The following ST3GAL1 variants were observed in gnomAD, a reference collection of about 807,000 sequenced individuals.
ST3GAL1 encodes CMP-N-acetylneuraminate-beta-galactosamide-alpha-2,3-sialyltransferase 1.
ST3GAL1 carries 16 observed loss-of-function variants against 34.1 expected under a neutral mutation model. The ratio of observed to expected loss-of-function variants is 0.47; its 90% CI spans 0.32 to 0.71. The LOEUF (loss-of-function observed/expected upper bound fraction) is 0.71, where lower values mean the gene tolerates loss of function less well. Among genes scored for constraint, ST3GAL1 ranks in the 30% least tolerant of loss-of-function variants. The probability of loss-of-function intolerance (pLI) is 0.04; values close to 1 mark genes in which losing one functional copy is unlikely to be tolerated. For missense variants in ST3GAL1, 353 were observed against 447.4 expected, an observed-to-expected ratio of 0.79 and a Z score of 1.90; for synonymous variants, 191 against 184.7, an observed-to-expected ratio of 1.03 and a Z score of -0.28.
intron 1 of ST3GAL1, among the ~76,000 whole-genome samples, chr8:133,569,125 G>A (rs1349192807): frequency 6.6e-6 from 1 of 152,184 alleles, no homozygotes; most frequent in Non-Finnish European, 1.5e-5. Context: ...CCTGGGTGGG[G>A]TGCTGTGGCC....
chr8:133,493,848 GA>G (rs57843566), intron 3 of ST3GAL1, among the ~76,000 whole-genome samples: 35 of 132,256 alleles, frequency 2.6e-4, no homozygotes, highest in South Asian at 7.5e-4. Flanking sequence ...TCTGTATCAG[GA>G]AAAAAAAAAA....
chr8:133,533,310 T>A (rs1435670774), intron 2 of ST3GAL1, among the ~76,000 whole-genome samples: 1 of 152,166 alleles, frequency 6.6e-6, no homozygotes, highest in Non-Finnish European at 1.5e-5. Context: ...CTGTGCTATT[T>A]TTCCCCGTGA....
intron 3 of ST3GAL1, among the ~76,000 whole-genome samples, chr8:133,491,833 G>C (rs7842258): frequency 0.16 from 23,678 of 152,096 alleles, 2,400 homozygotes; most frequent in East Asian, 0.53. Flanking sequence ...TGTCCAGTTG[G>C]ATCACAGGAT....
rs765561432 is a variant in ST3GAL1 at position 133,461,854 on chromosome 8, G to A, written c.849+21C>T. On this transcript the variant is annotated intron_variant, in intron 9 of 9. Transcript: ENST00000522652. The surrounding 1 kb of genome is among the most constrained non-coding windows in gnomAD (Gnocchi z 4.7). The stretch of plus-strand genomic sequence containing the variant: ...CGGTGAGCTTCGAGGCAGCCCTGTG[G>A]GCAGGGGGAGGGTGGCATACCTCAT... The A allele has an allele frequency of 5.1e-5, 82 of 1,613,714 alleles. No individual in the cohort carries two copies. Among genetic ancestry groups the A allele is most frequent in the Non-Finnish European group, 6.4e-5 (76 of 1,179,846 alleles).
In ST3GAL1 at chr8:133,464,790, C is replaced by G. The variant is rs1198730201; in HGVS notation, c.671G>C (p.Gly224Ala). The change falls in exon 7 of 10, where the codon GGC (glycine) becomes GCC (alanine). Residue 224 changes from glycine to alanine, a missense_variant. Transcript: ENST00000522652. ...LEWVVSAITT[G>A]TISHTYIPVP... Reference sequence around the variant, plus strand: ...AGGAGGGACTCACTGGGAAATGGTGCCCGTGGTGATGGCGCTCACCACCCA... The same window carrying G: ...AGGAGGGACTCACTGGGAAATGGTGGCCGTGGTGATGGCGCTCACCACCCA... 1.2e-6 allele frequency: 2 copies of G among 1,612,690 alleles called. No individual in the cohort carries two copies. The highest frequency in any genetic ancestry group is 1.7e-6 in the Non-Finnish European group (2 of 1,179,240).
chr8:133,562,846 C>CCTTTT (rs1819282594), intron 1 of ST3GAL1, among the ~76,000 whole-genome samples: 1 of 56,304 alleles, frequency 1.8e-5, no homozygotes, highest in Non-Finnish European at 4.4e-5. Flanking sequence ...TCCTTCCTTT[C>CCTTTT]TTTCTTTTTT....
Position 133,480,721 on chromosome 8 carries a change from TCTC to T in ST3GAL1, c.-373-4124_-373-4122del, listed in dbSNP as rs547544968. Among the ~76,000 whole-genome samples, 675 of 152,254 alleles carry T rather than the reference TCTC, an allele frequency of 4.4e-3. 5 individuals carry two copies. The highest frequency in any genetic ancestry group is 0.015 in the African/African-American group (641 of 41,542). On this transcript the variant is annotated intron_variant, in intron 3 of 9. Coordinates refer to ENST00000522652, the MANE Select transcript of ST3GAL1 (RefSeq NM_173344.3). ...TGGTAGCAAAGGCAGACTCCTGCCT[TCTC>T]CTGTGGCTTTCTGTGTAGCCGTGGC...
intron 2 of ST3GAL1, among the ~76,000 whole-genome samples, chr8:133,540,892 T>TAG (rs777832793): frequency 0.011 from 706 of 63,956 alleles, 5 homozygotes; most frequent in South Asian, 0.015. Flanking sequence ...GACATATATA[T>TAG]AGACATATAT....
Position 133,457,979 on chromosome 8 carries a change from A to C in ST3GAL1, c.*1785T>G, listed in dbSNP as rs1452337247. ...TGCTTAAACATTAGTAACTGGAGCC[A>C]ACAATCACCGTCCCCCACATTCCTG... On this transcript the variant is annotated 3_prime_UTR_variant, in exon 10 of 10. Coordinates refer to ENST00000522652, the MANE Select transcript of ST3GAL1 (RefSeq NM_173344.3). The C allele has an allele frequency of 6.6e-6, 1 of 152,290 alleles. No individual in the cohort carries two copies. The highest frequency in any genetic ancestry group is 1.5e-5 in the Non-Finnish European group (1 of 68,060). 9.4% of individuals were successfully genotyped at this position (152,290 alleles called of 1,614,324 possible).
chr8:133,473,266 A>T (rs540021604), intron 5 of ST3GAL1, among the ~76,000 whole-genome samples: 55 of 152,264 alleles, frequency 3.6e-4, no homozygotes, highest in African/African-American at 1.3e-3. Context: ...ACTCTCTAAT[A>T]ACAGTTTTTA....
intron 2 of ST3GAL1, among the ~76,000 whole-genome samples, chr8:133,501,351 G>A (rs1033828772): frequency 2.0e-5 from 3 of 152,164 alleles, no homozygotes; most frequent in Non-Finnish European, 4.4e-5. Context: ...AGCCCTATCC[G>A]GCAGGGTCAT....
In ST3GAL1 at chr8:133,542,994, G is replaced by A. The variant is rs77779874; in HGVS notation, c.-429+2780C>T. The stretch of plus-strand genomic sequence containing the variant: ...CTAATCAGAAATCTACACAATCCCG[G>A]AAGTTCTCCCCATGAGATGCTTATT... On this transcript the variant is annotated intron_variant, in intron 2 of 9. Transcript: ENST00000522652. Among the ~76,000 whole-genome samples the A allele has an allele frequency of 3.3e-3, 504 of 152,236 alleles. 5 individuals carry two copies. Among genetic ancestry groups the A allele is most frequent in the African/African-American group, 0.012 (481 of 41,538 alleles).
At position 133,459,823 on chromosome 8, in the gene ST3GAL1, A is replaced by T; in HGVS notation, c.964T>A (p.Ser322Thr). 6.2e-7 allele frequency: 1 copy of T among 1,613,900 alleles called. No homozygotes were observed. Among genetic ancestry groups the T allele is most frequent in the South Asian group, 1.1e-5 (1 of 91,042 alleles). The change falls in exon 10 of 10, where the codon TCT becomes ACT. Residue 322 changes from serine (S) to threonine (T), a missense_variant. Ser to Thr is a moderately conservative substitution (Grantham distance 58, BLOSUM62 1). Coordinates refer to ENST00000522652, the MANE Select transcript of ST3GAL1 (RefSeq NM_173344.3). This position sits in a 1 kb window ranked among gnomAD's most constrained non-coding sequence, Gnocchi z 4.7. The stretch of plus-strand genomic sequence containing the variant: ...GAGGCCAAGGTGGCCGTCACGTTAG[A>T]CTCAAAGTCTGCATCGTGCACCCCC... ...KTGVHDADFE[S>T]NVTATLASIN... is the part of the protein sequence containing the mutation.
chr8:133,464,935 C>T lies in ST3GAL1; in HGVS notation c.526G>A (p.Gly176Arg), dbSNP rs1815674999. The change falls in exon 7 of 10, where the codon GGG becomes AGG. Residue 176 changes from glycine (G) to arginine (R), a missense_variant. By Grantham distance (125) the Gly-to-Arg change is moderately radical (BLOSUM62 -2). Coordinates refer to ENST00000522652, the MANE Select transcript of ST3GAL1 (RefSeq NM_173344.3). ...VLRMNKAPTA[G>R]FEADVGTKTT... ...TTGGTCCCAACATCAGCTTCAAACC[C>T]TGCCGTGGGCGCCTTGTTCATCCTG... The T allele has an allele frequency of 6.2e-7, 1 of 1,613,280 alleles. No homozygotes were observed. The highest frequency in any genetic ancestry group is 1.7e-5 in the Admixed American group (1 of 59,932).
chr8:133,464,653 T>G, intron 7 of ST3GAL1, 125 bp downstream of exon 7: 1 of 1,038,868 alleles, frequency 9.6e-7, no homozygotes, highest in Non-Finnish European at 1.4e-6. Flanking sequence ...GGCTTGTGTG[T>G]GCCGGAGGAG....
intron 1 of ST3GAL1, among the ~76,000 whole-genome samples, chr8:133,559,329 C>T (rs938157913): frequency 1.3e-5 from 2 of 152,066 alleles, no homozygotes; most frequent in South Asian, 2.1e-4. Context: ...TGTTCCAGGT[C>T]GCAGGGAGAA....
intron 7 of ST3GAL1, among the ~76,000 whole-genome samples, chr8:133,464,316 C>T (rs143366168): frequency 2.2e-4 from 34 of 152,320 alleles, no homozygotes; most frequent in African/African-American, 6.5e-4. Flanking sequence ...AAGCCACAGC[C>T]GCGTTGCTCA....
At position 133,556,986 on chromosome 8, in the gene ST3GAL1, T is replaced by C. The variant is rs1414203913; in HGVS notation, c.-581-11060A>G. On this transcript the variant is annotated intron_variant, in intron 1 of 9. Transcript: ENST00000522652. The surrounding 1 kb of genome is among the most constrained non-coding windows in gnomAD (Gnocchi z 8.9). ...GTTAGAAGGAAACATTGTGACATGG[T>C]GGAAAGGGGTATGTGACAACCCCCC... Among the ~76,000 whole-genome samples, 2 of 152,038 alleles carry C rather than the reference T, an allele frequency of 1.3e-5. No homozygotes were observed. The highest frequency in any genetic ancestry group is 1.9e-4 in the East Asian group (1 of 5,178).
chr8:133,526,362 T>C lies in ST3GAL1; in HGVS notation c.-429+19412A>G, dbSNP rs373209855. 3.3e-5 allele frequency among the ~76,000 whole-genome samples: 5 copies of C among 152,212 alleles called. No homozygotes were observed. In the South Asian group the frequency reaches 1.0e-3, roughly 32 times the overall value. ...AATTCTACATCAAAAACAGGGGAAG[T>C]AGAAAAGTTCATGAAGGCTCCTAAG... On this transcript the variant is annotated intron_variant, in intron 2 of 9. Coordinates refer to ENST00000522652, the MANE Select transcript of ST3GAL1 (RefSeq NM_173344.3).
Sources: gnomAD v4.1 joint callset for allele counts (sites outside exome capture counted in the v4.1 genomes callset) on GRCh38, gnomAD v4.1.1 for gene constraint, Gnocchi (gnomAD v3.1) non-coding constraint, MANE v1.5 for transcripts, NCBI Gene and HGNC (gene_info 2026-07-23, HGNC 2026-07-21) for gene names.